Variants in MBTD1 observed in about 807,000 individuals in gnomAD.
The protein encoded by MBTD1 is MBT domain-containing protein 1.
MBTD1 carries 24 observed loss-of-function variants against 87.8 expected under a neutral mutation model. That is an observed-to-expected ratio of 0.27 (90% CI 0.20 to 0.38). MBTD1 has a LOEUF of 0.38. MBTD1 is among the 10% of genes least tolerant of loss of function. The pLI is 1.00. For missense variants in MBTD1, 436 were observed against 760.2 expected (o/e 0.57, Z 5.02); for synonymous variants, 237 against 248.6 (o/e 0.95, Z 0.44).
chr17:51,198,959 C>T (rs1598310852), intron 12 of MBTD1, among the ~76,000 whole-genome samples: 3 of 152,138 alleles, frequency 2.0e-5, no homozygotes, highest in African/African-American at 7.2e-5. Context: ...CACACCACCA[C>T]ACCTGGCTAA....
At chr17:51,230,938 C>CA (rs149489929) in intron 2 of MBTD1, among the ~76,000 whole-genome samples, 9,899 of 152,140 alleles carry the variant, frequency 0.065, 576 homozygotes, top group African/African-American at 0.15. Flanking sequence ...CTTCTATACT[C>CA]ATAGTTTTTT....
intron 6 of MBTD1, chr17:51,209,443 C>T (rs982097555): frequency 4.2e-6 from 2 of 471,208 alleles, no homozygotes; most frequent in African/African-American, 2.0e-5. Context: ...GCAAGGTAAG[C>T]TGTCATCAGG....
At chr17:51,260,951 C>T (rs1358461383), upstream of MBTD1, 4 of 1,489,160 alleles carry the variant, frequency 2.7e-6, no homozygotes, top group African/African-American at 1.5e-5. Flanking sequence ...GGCGCGCGGG[C>T]TGGGCGCACT....
intron 3 of MBTD1, among the ~76,000 whole-genome samples, chr17:51,223,562 G>A (rs564890177): frequency 4.6e-5 from 7 of 151,970 alleles, no homozygotes; most frequent in Middle Eastern, 3.4e-3. Context: ...AAGCCTGGGC[G>A]TGGTGGCTCA....
At chr17:51,195,957 G>C (rs757512019) in intron 12 of MBTD1, among the ~76,000 whole-genome samples, 11 of 152,204 alleles carry the variant, frequency 7.2e-5, no homozygotes, top group Non-Finnish European at 1.6e-4. Flanking sequence ...ACTCAGGCTG[G>C]AGTGCAATGG....
intron 2 of MBTD1, among the ~76,000 whole-genome samples, chr17:51,233,221 A>G (rs1303895878): frequency 6.6e-6 from 1 of 151,510 alleles, no homozygotes; most frequent in Admixed American, 6.6e-5. Flanking sequence ...AAAGCAACCA[A>G]TCACCACAGT....
In MBTD1 at chr17:51,259,981, G is replaced by T. The variant is rs925256144; in HGVS notation, c.-259C>A. 5.0e-6 allele frequency: 4 copies of T among 800,732 alleles called. No homozygotes were observed. In the African/African-American group the frequency reaches 5.4e-5, roughly 11 times the overall value. 49.6% of individuals were successfully genotyped at this position (800,732 alleles called of 1,614,324 possible). ...GGGGGCCCCCGGCTGGGCCCAGACCGGTGGCGGGTGCAGCAGCCCCCGGAT... is the reference window on the plus strand; with the variant it reads ...GGGGGCCCCCGGCTGGGCCCAGACCTGTGGCGGGTGCAGCAGCCCCCGGAT... On this transcript the variant is annotated 5_prime_UTR_variant, in exon 1 of 17. Coordinates refer to ENST00000586178, the MANE Select transcript of MBTD1 (RefSeq NM_017643.3).
intron 2 of MBTD1, among the ~76,000 whole-genome samples, chr17:51,255,505 A>G (rs11079950): frequency 0.39 from 59,847 of 152,026 alleles, 13,265 homozygotes; most frequent in East Asian, 0.6. Flanking sequence ...ACAGATACAC[A>G]AGGGGGCTAC....
intron 16 of MBTD1, chr17:51,185,299 CT>C (rs1286005099): frequency 1.3e-5 from 2 of 152,214 alleles, no homozygotes; most frequent in Non-Finnish European, 2.9e-5. Flanking sequence ...GCTGTATGAT[CT>C]GATCTGTACT....
intron 2 of MBTD1, chr17:51,256,764 T>C (rs1362408445): frequency 1.3e-5 from 2 of 152,124 alleles, no homozygotes; most frequent in Non-Finnish European, 2.9e-5. Context: ...AGCAAAGATA[T>C]AGGAAATTTC....
intron 1 of MBTD1, 62 bp downstream of exon 1, chr17:51,259,773 C>G: frequency 8.1e-7 from 1 of 1,230,342 alleles, no homozygotes; most frequent in Non-Finnish European, 1.0e-6. Context: ...TTCCTGGGGT[C>G]GGAGAGCTGC....
chr17:51,260,917 A>C, upstream of MBTD1: 2 of 1,583,126 alleles, frequency 1.3e-6, no homozygotes, highest in South Asian at 2.3e-5. Flanking sequence ...GGCGTCTGCG[A>C]GGCCCGAGGG....
intron 6 of MBTD1, among the ~76,000 whole-genome samples, chr17:51,215,186 G>A (rs2052495119): frequency 6.6e-6 from 1 of 152,214 alleles, no homozygotes; most frequent in Non-Finnish European, 1.5e-5. Context: ...TTCTGAGTGA[G>A]AAAGCAGAGG....
chr17:51,196,163 T>C (rs1035876640), intron 12 of MBTD1, among the ~76,000 whole-genome samples: 2 of 151,748 alleles, frequency 1.3e-5, no homozygotes, highest in African/African-American at 4.8e-5. Flanking sequence ...CCTTCTGCCG[T>C]GGCCTCCCAA....
At chr17:51,215,064 A>T (rs1290579920) in intron 6 of MBTD1, among the ~76,000 whole-genome samples, 1 of 152,242 alleles carries the variant, frequency 6.6e-6, no homozygotes, top group Non-Finnish European at 1.5e-5. Flanking sequence ...GTACAAAAAC[A>T]TACCAAGGAA....
chr17:51,247,440 A>AC lies in MBTD1; in HGVS notation c.-49+11702dup, dbSNP rs1204642565. On this transcript the variant is annotated intron_variant, in intron 2 of 16. Transcript: ENST00000586178. Reference sequence around the variant, plus strand: ...TTGATCAGGCTAAGAAATCAGTATTACTTTTTTTTTTTTTTTTTTTTTTGG... The same window carrying AC: ...TTGATCAGGCTAAGAAATCAGTATTACCTTTTTTTTTTTTTTTTTTTTTTGG... 3.5e-5 allele frequency among the ~76,000 whole-genome samples: 4 copies of AC among 114,240 alleles called. No homozygotes were observed. In the East Asian group the frequency reaches 1.0e-3, roughly 30 times the overall value. The allele number at this position is 114,240 out of a possible 152,430, so 74.9% of individuals were successfully genotyped here.
chr17:51,255,277 T>C (rs900939599), intron 2 of MBTD1, among the ~76,000 whole-genome samples: 7 of 150,100 alleles, frequency 4.7e-5, no homozygotes, highest in African/African-American at 1.7e-4. Flanking sequence ...CAAGACTCCA[T>C]CTCAAAAAAA....
chr17:51,207,225 A>G (rs974230294), intron 6 of MBTD1, among the ~76,000 whole-genome samples: 10 of 152,240 alleles, frequency 6.6e-5, no homozygotes, highest in Admixed American at 3.9e-4. Flanking sequence ...GCTGACTTCA[A>G]AATCTGATAC....
chr17:51,215,493 C>A (rs2052514243), intron 6 of MBTD1, among the ~76,000 whole-genome samples: 1 of 151,806 alleles, frequency 6.6e-6, no homozygotes, highest in South Asian at 2.1e-4. Context: ...AAGGCCATTC[C>A]GAAGGAGACA....
Sources: gnomAD v4.1 joint callset for allele counts (sites outside exome capture counted in the v4.1 genomes callset) on GRCh38, gnomAD v4.1.1 for gene constraint, MANE v1.5 for transcripts, NCBI Gene and HGNC (gene_info 2026-07-23, HGNC 2026-07-21) for gene names.